The following IRAG2 variants were observed in gnomAD, a reference collection of about 807,000 sequenced individuals.
IRAG2 encodes the protein inositol 1,4,5-triphosphate receptor associated 2, also known as lymphoid restricted membrane protein.
IRAG2 carries 45 observed loss-of-function variants against 69.9 expected under a neutral mutation model. The ratio of observed to expected loss-of-function variants is 0.64; its 90% confidence interval spans 0.51 to 0.83. The LOEUF (loss-of-function observed/expected upper bound fraction) is 0.83, where lower values mean the gene tolerates loss of function less well. Ranked by LOEUF, IRAG2 falls within the 40% of genes least tolerant of loss-of-function variation. The pLI, the probability that IRAG2 is intolerant of heterozygous loss-of-function variation, is 0.00. For synonymous variants in IRAG2, 193 were observed against 202.4 expected (o/e 0.95, Z 0.40); for missense variants, 520 against 587.0 (o/e 0.89, Z 1.18).
rs1161487558 is a variant in IRAG2 at position 25,108,127 on chromosome 12, A to G, written c.*67A>G. 1 of 1,543,898 alleles carries G rather than the reference A, an allele frequency of 6.5e-7. No homozygotes were observed. The highest frequency in any genetic ancestry group is 8.8e-7 in the Non-Finnish European group (1 of 1,135,714). ...CAGTATCTGAACTTCGTAAATTAGT[A>G]ACTTTTAGCTGGGAAAGTATAGCAT... On this transcript the variant is annotated 3_prime_UTR_variant, in exon 22 of 22. Transcript: ENST00000556887.
At chr12:25,096,424 T>C (rs1013600752) in intron 14 of IRAG2, among the ~76,000 whole-genome samples, 1 of 152,190 alleles carries the variant, frequency 6.6e-6, no homozygotes, top group Non-Finnish European at 1.5e-5. Context: ...TCATATTGTG[T>C]AAAGGGCACA....
chr12:25,062,536 T>C (rs1019371707), intron 2 of IRAG2, among the ~76,000 whole-genome samples: 1 of 152,250 alleles, frequency 6.6e-6, no homozygotes, highest in African/African-American at 2.4e-5. Context: ...CTGAGTTGCA[T>C]CTCTAACAAG....
At chr12:25,086,777 A>G (rs1314669923) in intron 10 of IRAG2, among the ~76,000 whole-genome samples, 1 of 152,228 alleles carries the variant, frequency 6.6e-6, no homozygotes, top group African/African-American at 2.4e-5. Context: ...ACTGAAAATT[A>G]TCCACTGGAT....
chr12:25,059,907 A>T (rs1453219751), intron 1 of IRAG2, among the ~76,000 whole-genome samples: 1 of 152,210 alleles, frequency 6.6e-6, no homozygotes, highest in African/African-American at 2.4e-5. Context: ...CATTAGCATT[A>T]TGCTCATGAC....
At chr12:25,004,647 C>T in exon 1 of IRAG2, 1 of 1,232,150 alleles carries the variant, frequency 8.1e-7, no homozygotes, top group Non-Finnish European at 1.0e-6. Flanking sequence ...CCTCTCACCT[C>T]AGCTCCCCTG....
exon 1 of IRAG2, chr12:25,004,546 G>A (rs990781302): frequency 8.1e-7 from 1 of 1,232,086 alleles, no homozygotes; most frequent in African/African-American, 1.5e-5. Context: ...TGCTGCTTGT[G>A]TTCCTACGCC....
At chr12:25,055,539 T>C (rs1945187955) in intron 1 of IRAG2, among the ~76,000 whole-genome samples, 1 of 152,192 alleles carries the variant, frequency 6.6e-6, no homozygotes, top group Admixed American at 6.5e-5. Flanking sequence ...ACATGTACCA[T>C]GTTGGTGTGC....
At position 25,088,160 on chromosome 12, in the gene IRAG2, A is replaced by G. The variant is rs1947773880; in HGVS notation, c.373+3A>G. ...TAAAAAAGAACATGCTTCAGGAGGT[A>G]AGGAATGTTTCTTTCAATCCCCATG... On this transcript the variant is annotated splice_donor_region_variant and intron_variant, in intron 11 of 21. Coordinates refer to ENST00000556887, the MANE Select transcript of IRAG2 (RefSeq NM_001366544.2). 6.2e-7 allele frequency: 1 copy of G among 1,611,322 alleles called. No homozygotes were observed. The highest frequency in any genetic ancestry group is 1.3e-5 in the African/African-American group (1 of 74,858).
At chr12:25,012,156 T>A (rs1412434418) in intron 3 of IRAG2, among the ~76,000 whole-genome samples, 1 of 142,870 alleles carries the variant, frequency 7.0e-6, no homozygotes, top group African/African-American at 2.6e-5. Flanking sequence ...TTTTTTTTTT[T>A]TTTTTTTTTT....
At chr12:25,088,053 T>C (rs755613220) in intron 10 of IRAG2, 47 bp from the exon 11 acceptor site, 29 of 1,356,338 alleles carry the variant, frequency 2.1e-5, no homozygotes, top group Non-Finnish European at 1.7e-5. Flanking sequence ...TGACTGGTTA[T>C]GAAGTATTTC....
At chr12:25,026,013 A>T (rs1319213559) in intron 8 of IRAG2, among the ~76,000 whole-genome samples, 3 of 152,222 alleles carry the variant, frequency 2.0e-5, no homozygotes, top group Non-Finnish European at 4.4e-5. Context: ...CTTTGTGTCA[A>T]CTACTTACCT....
At chr12:25,087,734 G>A (rs1947733760) in intron 10 of IRAG2, among the ~76,000 whole-genome samples, 1 of 152,118 alleles carries the variant, frequency 6.6e-6, no homozygotes, top group African/African-American at 2.4e-5. Flanking sequence ...ACAGCAGGAG[G>A]TGAGCGGCAG....
rs1176771115 is a variant in IRAG2 at position 25,104,030 on chromosome 12, G to A, written c.1018G>A (p.Asp340Asn). The stretch of plus-strand genomic sequence containing the variant: ...AAAGGTGGCTGGGATGGAAAATAAT[G>A]ATCGATTCAGTAGAAGGTCAAGCAG... Reference protein sequence around the residue: ...AGMVAGMENNDRFSRRSSSWR... With the variant: ...AGMVAGMENNNRFSRRSSSWR... The change falls in exon 19 of 22, where the codon GAT (aspartate) becomes AAT (asparagine). Residue 340 changes from aspartate (D) to asparagine (N), a missense_variant. Transcript: ENST00000556887. The A allele has an allele frequency of 6.2e-7, 1 of 1,613,338 alleles. No individual in the cohort carries two copies. Among genetic ancestry groups the A allele is most frequent in the South Asian group, 1.1e-5 (1 of 91,026 alleles).
At chr12:25,029,919 CTT>C (rs1229545000) in intron 9 of IRAG2, among the ~76,000 whole-genome samples, 1 of 152,108 alleles carries the variant, frequency 6.6e-6, no homozygotes, top group Non-Finnish European at 1.5e-5. Flanking sequence ...TGTATCTAGA[CTT>C]TTTATTTTCA....
intron 15 of IRAG2, among the ~76,000 whole-genome samples, chr12:25,099,443 T>A (rs1948617125): frequency 2.0e-5 from 3 of 152,194 alleles, no homozygotes; most frequent in Admixed American, 2.0e-4. Flanking sequence ...ATTGTCAGAA[T>A]ATATTCAGAA....
intron 6 of IRAG2, among the ~76,000 whole-genome samples, chr12:25,078,425 G>A (rs140482315): frequency 1.7e-3 from 266 of 152,192 alleles, no homozygotes; most frequent in African/African-American, 6.1e-3. Flanking sequence ...TTCTGATTAT[G>A]GAATAACTAA....
upstream of IRAG2, among the ~76,000 whole-genome samples, chr12:25,049,890 G>A (rs1944826987): frequency 6.8e-6 from 1 of 147,732 alleles, no homozygotes; most frequent in East Asian, 2.0e-4. Flanking sequence ...GGCTGAGGCA[G>A]GAGAATGGTG....
At chr12:25,088,255 T>C (rs1327948569) in intron 11 of IRAG2, 98 bp downstream of exon 11, 4 of 954,448 alleles carry the variant, frequency 4.2e-6, no homozygotes, top group African/African-American at 1.6e-5. Context: ...CACTTACAAA[T>C]TCTGCATCTC....
intron 15 of IRAG2, among the ~76,000 whole-genome samples, chr12:25,099,476 T>C (rs7975271): frequency 0.28 from 43,028 of 152,086 alleles, 6,872 homozygotes; most frequent in African/African-American, 0.44. Flanking sequence ...TTTCCCTTTC[T>C]ACTGTTACCA....
Sources: allele counts gnomAD v4.1 joint callset (sites outside exome capture counted in the v4.1 genomes callset), GRCh38; gene constraint gnomAD v4.1.1; transcripts MANE v1.5; gene names NCBI Gene and HGNC (gene_info 2026-07-23, HGNC 2026-07-21).